NFIB: variants seen among roughly 807,000 people sequenced by gnomAD.
NFIB encodes nuclear factor 1 B-type.
A neutral mutation model predicts 61.5 loss-of-function variants in NFIB; 11 were observed. The ratio of observed to expected loss-of-function variants is 0.18; its 90% CI spans 0.11 to 0.30. The LOEUF (loss-of-function observed/expected upper bound fraction) is 0.30. NFIB is among the 10% of genes least tolerant of loss of function. The probability of loss-of-function intolerance (pLI) is 1.00; values close to 1 mark genes in which losing one functional copy is unlikely to be tolerated. For synonymous variants in NFIB, 260 were observed against 216.5 expected, an observed-to-expected ratio of 1.20 and a Z score of -1.76; for missense variants, 471 against 608.9, an observed-to-expected ratio of 0.77 and a Z score of 2.38.
At chr9:14,360,844 C>A (rs530916389) in intron 1 of NFIB, among the ~76,000 whole-genome samples, 1 of 152,128 alleles carries the variant, frequency 6.6e-6, no homozygotes, top group South Asian at 2.1e-4. Context: ...GCTTGAGCCA[C>A]CGCGCCTGGC....
intron 2 of NFIB, among the ~76,000 whole-genome samples, chr9:14,216,544 C>CGTGTGTG (rs1587681077): frequency 2.3e-4 from 3 of 12,888 alleles, no homozygotes; most frequent in East Asian, 7.7e-4. Context: ...CTCTCTCTCC[C>CGTGTGTG]TCTGTGTGTG....
intron 8 of NFIB, among the ~76,000 whole-genome samples, chr9:14,118,776 T>C (rs2038526838): frequency 6.6e-6 from 1 of 150,422 alleles, no homozygotes; most frequent in African/African-American, 2.4e-5. Context: ...TTCTTTTTTT[T>C]TTTTTTTTGA....
chr9:14,212,076 T>G (rs1291477651), intron 2 of NFIB, among the ~76,000 whole-genome samples: 2 of 152,178 alleles, frequency 1.3e-5, no homozygotes, highest in African/African-American at 4.8e-5. Context: ...TCTCTAAAGG[T>G]AACTGGACTT....
chr9:14,084,110 A>G lies in NFIB; in HGVS notation c.*4199T>C, dbSNP rs1023323606. 5 of 205,222 alleles carry G rather than the reference A, an allele frequency of 2.4e-5. No individual in the cohort carries two copies. Among genetic ancestry groups the G allele is most frequent in the Non-Finnish European group, 5.0e-5 (5 of 100,244 alleles). 12.7% of individuals were successfully genotyped at this position (205,222 alleles called of 1,614,324 possible). A position where few individuals can be genotyped will look rare whatever the true frequency, so the allele number is the denominator to read the frequency against. ...GTATCCTATGCTTTTCAAGCACAGG[A>G]ATCTGTGAAATAACTCCTAACATGG... On this transcript the variant is annotated 3_prime_UTR_variant, in exon 11 of 11. Coordinates refer to ENST00000380953, the MANE Select transcript of NFIB (RefSeq NM_001190737.2).
chr9:14,452,429 G>C, the NFIB span, among the ~76,000 whole-genome samples: 4,713 of 84,670 alleles, frequency 0.056, 306 homozygotes, highest in Non-Finnish European at 0.078. Context: ...GGAAGGGAGG[G>C]AGGGAGGGGA....
At chr9:14,192,881 G>A (rs2048104050) in intron 2 of NFIB, among the ~76,000 whole-genome samples, 2 of 152,060 alleles carry the variant, frequency 1.3e-5, no homozygotes, top group South Asian at 2.1e-4. Context: ...ACTCAAATCT[G>A]ACAGATACAT....
intron 6 of NFIB, among the ~76,000 whole-genome samples, chr9:14,135,459 G>T (rs900655251): frequency 6.6e-6 from 1 of 152,108 alleles, no homozygotes; most frequent in Non-Finnish European, 1.5e-5. Flanking sequence ...GAAGAAAAAA[G>T]AATATCTAAA....
intron 2 of NFIB, among the ~76,000 whole-genome samples, chr9:14,273,779 C>G (rs2057792408): frequency 6.6e-6 from 1 of 152,152 alleles, no homozygotes; most frequent in South Asian, 2.1e-4. Context: ...CTACTTCCTT[C>G]CCAATGGTAT....
the NFIB span, among the ~76,000 whole-genome samples, chr9:14,408,523 G>A: frequency 9.5e-4 from 144 of 152,270 alleles, no homozygotes; most frequent in Admixed American, 2.6e-3. Flanking sequence ...GGGGACAAAG[G>A]GAATTTGCCA....
At chr9:14,191,720 A>C (rs866210706) in intron 2 of NFIB, among the ~76,000 whole-genome samples, 1 of 152,218 alleles carries the variant, frequency 6.6e-6, no homozygotes, top group Non-Finnish European at 1.5e-5. Flanking sequence ...TTAGACATCA[A>C]TGCCTTCCAG....
intron 3 of NFIB, among the ~76,000 whole-genome samples, chr9:14,169,608 G>C (rs2045335707): frequency 6.6e-6 from 1 of 152,124 alleles, no homozygotes. Flanking sequence ...ATCACATGAG[G>C]TCAGGAGTTC....
upstream of NFIB, among the ~76,000 whole-genome samples, chr9:14,318,505 CTTTTTTTTTTTTT>C (rs34481505): frequency 3.0e-5 from 2 of 66,856 alleles, no homozygotes; most frequent in African/African-American, 1.3e-4. Flanking sequence ...CACTCGATGC[CTTTTTTTTTTTTT>C]TTTTTTTTTT....
the NFIB span, among the ~76,000 whole-genome samples, chr9:14,479,047 T>C: frequency 6.6e-6 from 1 of 152,192 alleles, no homozygotes; most frequent in Non-Finnish European, 1.5e-5. Flanking sequence ...CAAGAAATTA[T>C]TTGTAAACAC....
chr9:14,475,083 T>G, the NFIB span, among the ~76,000 whole-genome samples: 1 of 152,242 alleles, frequency 6.6e-6, no homozygotes, highest in Non-Finnish European at 1.5e-5. Context: ...ACCAGCTATC[T>G]GGGTATCACT....
intron 2 of NFIB, among the ~76,000 whole-genome samples, chr9:14,298,730 CATT>C (rs1480158841): frequency 6.6e-6 from 1 of 152,196 alleles, no homozygotes; most frequent in African/African-American, 2.4e-5. Context: ...GAAACAGTGA[CATT>C]ATTACACAAT....
chr9:14,347,333 C>T (rs2061038429), intron 1 of NFIB: 1 of 152,276 alleles, frequency 6.6e-6, no homozygotes, highest in Admixed American at 6.5e-5. Flanking sequence ...GGGGCTCCAC[C>T]ACCGCGCGCT....
chr9:14,468,313 T>TTTACAAA, the NFIB span, among the ~76,000 whole-genome samples: 25 of 152,286 alleles, frequency 1.6e-4, no homozygotes, highest in African/African-American at 6.0e-4. Flanking sequence ...AAATGCTAAT[T>TTTACAAA]AAGGTACACC....
chr9:14,356,299 T>C (rs1367270001), intron 1 of NFIB, among the ~76,000 whole-genome samples: 1 of 152,200 alleles, frequency 6.6e-6, no homozygotes, highest in African/African-American at 2.4e-5. Context: ...CAGGATGTTA[T>C]TTCCCAAGAT....
At chr9:14,159,382 A>G (rs1563847449) in intron 3 of NFIB, among the ~76,000 whole-genome samples, 3 of 152,218 alleles carry the variant, frequency 2.0e-5, no homozygotes, top group African/African-American at 7.2e-5. Flanking sequence ...ATAAAATGCA[A>G]AAAACCACAG....
Sources: allele counts gnomAD v4.1 joint callset (sites outside exome capture counted in the v4.1 genomes callset), GRCh38; gene constraint gnomAD v4.1.1; transcripts MANE v1.5; gene names NCBI Gene and HGNC (gene_info 2026-07-23, HGNC 2026-07-21).